The following TM9SF2 variants were observed in gnomAD, a reference collection of about 807,000 sequenced individuals.
The protein encoded by TM9SF2 is transmembrane 9 superfamily member 2, also known as 76 kDa membrane protein.
Under a neutral mutation model 84.9 loss-of-function variants are expected in TM9SF2, and 13 were observed. The observed-to-expected ratio is 0.15, with a 90% CI of 0.10 to 0.24. The LOEUF (loss-of-function observed/expected upper bound fraction) is 0.24, where lower values mean the gene tolerates loss of function less well. TM9SF2 is among the 10% of genes least tolerant of loss of function. TM9SF2 has a pLI of 1.00. For synonymous variants in TM9SF2, 273 were observed against 285.8 expected (o/e 0.96, Z 0.45); for missense variants, 562 against 818.5 (o/e 0.69, Z 3.82).
At chr13:99,546,193 C>T (rs2046281786) in intron 10 of TM9SF2, among the ~76,000 whole-genome samples, 1 of 152,120 alleles carries the variant, frequency 6.6e-6, no homozygotes, top group South Asian at 2.1e-4. Flanking sequence ...CTTGGTCATG[C>T]ACGTTTTAGG....
rs182272452 is a variant in TM9SF2 at position 99,517,293 on chromosome 13, A to T, written c.172-321A>T. Among the ~76,000 whole-genome samples, 504 of 151,844 alleles carry T rather than the reference A, an allele frequency of 3.3e-3. 2 individuals carry two copies. The highest frequency in any genetic ancestry group is 0.011 in the African/African-American group (461 of 41,426). Reference sequence around the variant, plus strand: ...TGTGCCCAGCTAATTTTAAAAAATTAAAAAAAAATTTTTGTAGGAACGGGG... The same window carrying T: ...TGTGCCCAGCTAATTTTAAAAAATTTAAAAAAAATTTTTGTAGGAACGGGG... On this transcript the variant is annotated intron_variant, in intron 1 of 16. Transcript: ENST00000376387.
chr13:99,505,378 C>G (rs1454073707), intron 1 of TM9SF2, among the ~76,000 whole-genome samples: 2 of 152,210 alleles, frequency 1.3e-5, no homozygotes, highest in African/African-American at 4.8e-5. Flanking sequence ...GTCTCGAACT[C>G]CTGAGCTCTC....
intron 12 of TM9SF2, among the ~76,000 whole-genome samples, chr13:99,551,464 G>GT (rs1167063518): frequency 2.0e-5 from 3 of 152,204 alleles, no homozygotes; most frequent in Non-Finnish European, 4.4e-5. Context: ...TGCACCAGGC[G>GT]TAACTACTGT....
At chr13:99,547,749 A>G (rs1281559250) in intron 11 of TM9SF2, among the ~76,000 whole-genome samples, 1 of 152,228 alleles carries the variant, frequency 6.6e-6, no homozygotes, top group Non-Finnish European at 1.5e-5. Flanking sequence ...TGGCAGGGTC[A>G]GCAGGGACCA....
At chr13:99,523,089 A>G (rs1041417830) in intron 3 of TM9SF2, among the ~76,000 whole-genome samples, 10 of 152,228 alleles carry the variant, frequency 6.6e-5, no homozygotes, top group Non-Finnish European at 1.5e-4. Flanking sequence ...CCAAGGTGTA[A>G]GCCAGCCATA....
chr13:99,563,746 A>C lies in TM9SF2; in HGVS notation c.*988A>C, dbSNP rs1487897734. ...TATTACCTGGACATTAGCAATCACT[A>C]GCAAGTCTTCATCTTTATGATTTCA... On this transcript the variant is annotated 3_prime_UTR_variant, in exon 17 of 17. Coordinates refer to ENST00000376387, the MANE Select transcript of TM9SF2 (RefSeq NM_004800.3). The C allele has an allele frequency of 6.6e-6, 1 of 152,256 alleles. No homozygotes were observed. Among genetic ancestry groups the C allele is most frequent in the Non-Finnish European group, 1.5e-5 (1 of 68,042 alleles). The allele number at this position is 152,256 out of a possible 1,614,324, so 9.4% of individuals were successfully genotyped here.
At chr13:99,535,759 T>C (rs927992387) in intron 4 of TM9SF2, among the ~76,000 whole-genome samples, 2 of 152,226 alleles carry the variant, frequency 1.3e-5, no homozygotes, top group Non-Finnish European at 2.9e-5. Context: ...GACTGTAATA[T>C]AGCTGCTATA....
chr13:99,554,653 T>C (rs2046318894), intron 14 of TM9SF2, among the ~76,000 whole-genome samples, 198 bp downstream of exon 14: 1 of 152,246 alleles, frequency 6.6e-6, no homozygotes, highest in African/African-American at 2.4e-5. Context: ...TAGTATAATA[T>C]GAATTCAAGG....
chr13:99,523,019 G>C (rs2046167071), intron 3 of TM9SF2, among the ~76,000 whole-genome samples: 1 of 152,096 alleles, frequency 6.6e-6, no homozygotes, highest in Admixed American at 6.6e-5. Flanking sequence ...ATCCATATCT[G>C]TACTAAAACA....
At chr13:99,531,571 G>A (rs1266852901) in intron 4 of TM9SF2, among the ~76,000 whole-genome samples, 1 of 152,128 alleles carries the variant, frequency 6.6e-6, no homozygotes, top group African/African-American at 2.4e-5. Context: ...TGATGGGAAG[G>A]ATTCATTCTG....
chr13:99,535,394 A>G (rs1346737363), intron 4 of TM9SF2, among the ~76,000 whole-genome samples: 3 of 152,230 alleles, frequency 2.0e-5, no homozygotes, highest in Admixed American at 6.5e-5. Flanking sequence ...TATTGCTAGT[A>G]TATATTCATT....
intron 4 of TM9SF2, among the ~76,000 whole-genome samples, chr13:99,533,326 T>C (rs1566568313): frequency 6.6e-6 from 1 of 152,244 alleles, no homozygotes; most frequent in African/African-American, 2.4e-5. Context: ...GAACTAACAC[T>C]ATTATTTCTC....
chr13:99,513,077 C>T (rs1279794512), intron 1 of TM9SF2, among the ~76,000 whole-genome samples: 1 of 152,086 alleles, frequency 6.6e-6, no homozygotes, highest in Non-Finnish European at 1.5e-5. Flanking sequence ...AAACAGTTAC[C>T]ATGTTTTTGA....
chr13:99,531,395 A>G (rs1299142047), intron 4 of TM9SF2, among the ~76,000 whole-genome samples: 1 of 152,166 alleles, frequency 6.6e-6, no homozygotes, highest in African/African-American at 2.4e-5. Context: ...TTGTTTGCTC[A>G]CGCCAATAAG....
chr13:99,526,775 C>T (rs1167730923), intron 3 of TM9SF2, among the ~76,000 whole-genome samples: 1 of 151,904 alleles, frequency 6.6e-6, no homozygotes, highest in African/African-American at 2.4e-5. Context: ...GAATCAGGAG[C>T]GAGGAGGAGT....
At chr13:99,505,668 G>A (rs1257288824) in intron 1 of TM9SF2, among the ~76,000 whole-genome samples, 1 of 152,186 alleles carries the variant, frequency 6.6e-6, no homozygotes, top group Non-Finnish European at 1.5e-5. Context: ...GATTATAAGT[G>A]ACTAGATATT....
intron 16 of TM9SF2, among the ~76,000 whole-genome samples, chr13:99,560,675 T>G (rs543208149): frequency 6.6e-6 from 1 of 152,248 alleles, no homozygotes; most frequent in East Asian, 1.9e-4. Flanking sequence ...TTATTTATTT[T>G]TATTTATTTT....
At chr13:99,537,281 G>A (rs1393247230) in intron 5 of TM9SF2, among the ~76,000 whole-genome samples, 1 of 152,068 alleles carries the variant, frequency 6.6e-6, no homozygotes, top group Admixed American at 6.6e-5. Context: ...TTCAGTGGAA[G>A]GTAGCATGAG....
At chr13:99,523,860 C>G (rs1594049856) in intron 3 of TM9SF2, among the ~76,000 whole-genome samples, 2 of 152,108 alleles carry the variant, frequency 1.3e-5, no homozygotes, top group African/African-American at 4.8e-5. Context: ...TGGGGAATTT[C>G]TAATTTTAAA....
Sources: gnomAD v4.1 joint callset for allele counts (sites outside exome capture counted in the v4.1 genomes callset) on GRCh38, gnomAD v4.1.1 for gene constraint, MANE v1.5 for transcripts, NCBI Gene and HGNC (gene_info 2026-07-23, HGNC 2026-07-21) for gene names.